Variants in STX8 observed in about 807,000 individuals in gnomAD.
STX8 encodes syntaxin 8, also known as syntaxin-8.
In STX8, 23 loss-of-function variants were observed where a neutral mutation model predicts 37.5. The observed-to-expected ratio is 0.61, with a 90% CI of 0.44 to 0.87. The LOEUF is 0.87. Ranked by LOEUF, STX8 falls within the 40% of genes least tolerant of loss-of-function variation. The pLI is 0.00. For missense variants in STX8, 313 were observed against 284.7 expected (o/e 1.10, Z -0.71); for synonymous variants, 115 against 99.1 (o/e 1.16, Z -0.95).
Position 9,533,638 on chromosome 17 carries a change from G to A in STX8, c.323+11534C>T, listed in dbSNP as rs527987085. On this transcript the variant is annotated intron_variant, in intron 4 of 7. Coordinates refer to ENST00000306357, the MANE Select transcript of STX8 (RefSeq NM_004853.3). ...AAATAAAACAACCCAAAAGGCCAGC[G>A]AGTGACTAACTCTCTGGGATTTCAA... 1.0e-3 allele frequency among the ~76,000 whole-genome samples: 153 copies of A among 152,218 alleles called. 1 individual carries two copies. The highest frequency in any genetic ancestry group is 3.5e-3 in the African/African-American group (144 of 41,544).
At chr17:9,287,640 T>G (rs1908126508) in intron 7 of STX8, among the ~76,000 whole-genome samples, 1 of 152,224 alleles carries the variant, frequency 6.6e-6, no homozygotes, top group African/African-American at 2.4e-5. Context: ...GATAGTCCTG[T>G]TTGGGATCCC....
At chr17:9,473,879 A>C (rs1905985727) in intron 6 of STX8, among the ~76,000 whole-genome samples, 1 of 152,182 alleles carries the variant, frequency 6.6e-6, no homozygotes, top group Non-Finnish European at 1.5e-5. Flanking sequence ...TCATCTATGA[A>C]CACATCAGAT....
At chr17:9,450,496 T>A (rs1411717027) in intron 6 of STX8, among the ~76,000 whole-genome samples, 1 of 151,622 alleles carries the variant, frequency 6.6e-6, no homozygotes, top group Non-Finnish European at 1.5e-5. Flanking sequence ...GTGTGTGTGT[T>A]AGAGATAGAA....
chr17:9,539,936 T>C (rs1906210427), intron 4 of STX8, among the ~76,000 whole-genome samples: 1 of 152,156 alleles, frequency 6.6e-6, no homozygotes, highest in African/African-American at 2.4e-5. Flanking sequence ...GGGAAGGGGA[T>C]ACAATCGAAT....
chr17:9,535,626 G>T (rs113076804), intron 4 of STX8, among the ~76,000 whole-genome samples: 2,627 of 151,692 alleles, frequency 0.017, 37 homozygotes, highest in Middle Eastern at 0.044. Context: ...TAGAGACGGG[G>T]TTTCACCGTG....
intron 7 of STX8, among the ~76,000 whole-genome samples, chr17:9,260,588 C>T (rs982633695): frequency 1.3e-5 from 2 of 152,172 alleles, no homozygotes; most frequent in Admixed American, 6.5e-5. Context: ...CGTGCCACTG[C>T]ACTCTAGCCT....
intron 6 of STX8, among the ~76,000 whole-genome samples, chr17:9,454,314 C>T (rs1242914204): frequency 2.0e-5 from 3 of 152,162 alleles, no homozygotes; most frequent in African/African-American, 7.2e-5. Context: ...TGATTCGTGT[C>T]CCAGGTGGAA....
At chr17:9,480,495 G>A (rs1906282863) in intron 6 of STX8, among the ~76,000 whole-genome samples, 1 of 152,330 alleles carries the variant, frequency 6.6e-6, no homozygotes, top group South Asian at 2.1e-4. Context: ...TGCCACTGCT[G>A]CTGATTTTGC....
chr17:9,382,351 A>ACT (rs1911853495), intron 6 of STX8, among the ~76,000 whole-genome samples: 1 of 152,238 alleles, frequency 6.6e-6, no homozygotes, highest in Non-Finnish European at 1.5e-5. Flanking sequence ...GGCATGCTTA[A>ACT]ATTCAACTAT....
At chr17:9,302,296 T>C (rs184869244) in intron 7 of STX8, among the ~76,000 whole-genome samples, 45 of 152,316 alleles carry the variant, frequency 3.0e-4, no homozygotes, top group African/African-American at 1.1e-3. Context: ...TTTTTTTCTT[T>C]TTTGCCAAAA....
At chr17:9,285,109 A>G (rs1038687860) in intron 7 of STX8, among the ~76,000 whole-genome samples, 6 of 152,128 alleles carry the variant, frequency 3.9e-5, no homozygotes, top group African/African-American at 1.2e-4. Context: ...TAGTAAGAGC[A>G]TCGTGTGATT....
At chr17:9,522,582 G>T (rs1905395754) in intron 4 of STX8, among the ~76,000 whole-genome samples, 1 of 151,750 alleles carries the variant, frequency 6.6e-6, no homozygotes, top group East Asian at 1.9e-4. Context: ...GCATGTGGCG[G>T]GTGCCTGTAG....
At chr17:9,567,833 G>A (rs1038812928) in intron 2 of STX8, among the ~76,000 whole-genome samples, 6 of 152,024 alleles carry the variant, frequency 3.9e-5, no homozygotes, top group South Asian at 2.1e-4. Context: ...CTACAGGTGT[G>A]TGCCACCACG....
At chr17:9,464,210 A>G (rs570147654) in intron 6 of STX8, among the ~76,000 whole-genome samples, 56 of 152,362 alleles carry the variant, frequency 3.7e-4, no homozygotes, top group African/African-American at 1.2e-3. Context: ...CAATTATTGT[A>G]AAGAGCAGTT....
chr17:9,550,056 TAC>T (rs1906702173), intron 3 of STX8, among the ~76,000 whole-genome samples: 1 of 151,964 alleles, frequency 6.6e-6, no homozygotes, highest in Non-Finnish European at 1.5e-5. Flanking sequence ...ACCCCATCTG[TAC>T]TAAAAAAATA....
At chr17:9,524,828 G>C (rs1196301967) in intron 4 of STX8, among the ~76,000 whole-genome samples, 1 of 143,572 alleles carries the variant, frequency 7.0e-6, no homozygotes, top group South Asian at 2.2e-4. Context: ...TTTTTTTTGA[G>C]ATGGGGTGTC....
chr17:9,499,749 C>T (rs1470393888), intron 5 of STX8, among the ~76,000 whole-genome samples: 1 of 152,172 alleles, frequency 6.6e-6, no homozygotes, highest in African/African-American at 2.4e-5. Context: ...AGAAACTGAC[C>T]TGCAACCTGC....
intron 7 of STX8, among the ~76,000 whole-genome samples, chr17:9,351,314 C>T (rs781467142): frequency 4.0e-5 from 6 of 151,606 alleles, no homozygotes; most frequent in Non-Finnish European, 8.8e-5. Flanking sequence ...CGCACCACCA[C>T]ACCTGGCTAA....
intron 7 of STX8, among the ~76,000 whole-genome samples, chr17:9,376,154 T>C (rs550068396): frequency 3.9e-4 from 60 of 152,340 alleles, no homozygotes; most frequent in Non-Finnish European, 6.8e-4. Flanking sequence ...GGGTGGGGAC[T>C]TGGAGAACTT....
Sources: gnomAD v4.1 joint callset for allele counts (sites outside exome capture counted in the v4.1 genomes callset) on GRCh38, gnomAD v4.1.1 for gene constraint, MANE v1.5 for transcripts, NCBI Gene and HGNC (gene_info 2026-07-23, HGNC 2026-07-21) for gene names.